Variants in TM4SF20 observed in about 807,000 individuals in gnomAD.
The protein encoded by TM4SF20 is transmembrane 4 L six family member 20, also known as transmembrane 4 L6 family member 20.
A neutral mutation model predicts 15.1 loss-of-function variants in TM4SF20; 13 were observed. The ratio of observed to expected loss-of-function variants is 0.86; its 90% CI spans 0.56 to 1.36. The LOEUF (loss-of-function observed/expected upper bound fraction) is 1.36, where lower values mean the gene tolerates loss of function less well. TM4SF20 is among the 40% of genes most tolerant of loss of function. TM4SF20 has a pLI of 0.00. For synonymous variants in TM4SF20, 92 were observed against 96.6 expected, an observed-to-expected ratio of 0.95 and a Z score of 0.28; for missense variants, 282 against 268.4, an observed-to-expected ratio of 1.05 and a Z score of -0.35.
intron 2 of TM4SF20, among the ~76,000 whole-genome samples, chr2:227,366,852 G>C (rs747974899): frequency 1.4e-5 from 2 of 148,110 alleles, no homozygotes; most frequent in Non-Finnish European, 3.0e-5. Flanking sequence ...GTTCCTCCCT[G>C]TTTTATGTAC....
At chr2:227,371,054 C>T (rs2076419343) in intron 1 of TM4SF20, 74 bp from the exon 2 acceptor site, 4 of 1,236,512 alleles carry the variant, frequency 3.2e-6, no homozygotes, top group South Asian at 2.4e-5. Flanking sequence ...TCTTCACCTT[C>T]CGTTTACCAC....
intron 1 of TM4SF20, among the ~76,000 whole-genome samples, chr2:227,376,771 C>T (rs530319869): frequency 2.0e-5 from 3 of 152,292 alleles, no homozygotes; most frequent in South Asian, 2.1e-4. Flanking sequence ...TTGAGGACTA[C>T]GGTACTAGCA....
intron 1 of TM4SF20, among the ~76,000 whole-genome samples, chr2:227,373,927 C>CAAAAAAAAAAAAAAAA (rs373068376): frequency 2.9e-5 from 3 of 103,072 alleles, no homozygotes; most frequent in Admixed American, 1.1e-4. Flanking sequence ...GACTCCGTCT[C>CAAAAAAAAAAAAAAAA]AAAAAAAAAA....
intron 1 of TM4SF20, among the ~76,000 whole-genome samples, chr2:227,377,104 A>C (rs2076454999): frequency 6.7e-6 from 1 of 148,976 alleles, no homozygotes; most frequent in Admixed American, 6.8e-5. Context: ...GCCACCTCCG[A>C]CTCCTTTAAT....
At chr2:227,366,007 C>A in intron 3 of TM4SF20, 86 bp downstream of exon 3, 1 of 1,346,966 alleles carries the variant, frequency 7.4e-7, no homozygotes, top group Admixed American at 2.6e-5. Flanking sequence ...CAAATAAAAA[C>A]ATGGCATTGT....
At chr2:227,371,098 A>G (rs2076419508) in intron 1 of TM4SF20, 118 bp from the exon 2 acceptor site, 1 of 903,124 alleles carries the variant, frequency 1.1e-6, no homozygotes, top group Admixed American at 1.8e-5. Context: ...AAGAACAAAA[A>G]GGGAATTTGG....
intron 1 of TM4SF20, among the ~76,000 whole-genome samples, chr2:227,377,702 C>T (rs1356174462): frequency 6.6e-6 from 1 of 152,102 alleles, no homozygotes; most frequent in East Asian, 1.9e-4. Context: ...AGGCCATTAT[C>T]CTTAAACTAA....
rs1406394399 is a variant in TM4SF20, at chr2:227,362,360, A to G, written c.*1364T>C. The G allele has an allele frequency of 6.6e-6, 1 of 152,226 alleles. No individual in the cohort carries two copies. The highest frequency in any genetic ancestry group is 1.5e-5 in the Non-Finnish European group (1 of 68,032). 9.4% of individuals were successfully genotyped at this position (152,226 alleles called of 1,614,324 possible). Reference sequence around the variant, plus strand: ...TGCCATGTACCTGTCACCTAAATATAACAGTAAACATCTCCCCGTTGCTTT... The same window carrying G: ...TGCCATGTACCTGTCACCTAAATATGACAGTAAACATCTCCCCGTTGCTTT... On this transcript the variant is annotated 3_prime_UTR_variant, in exon 4 of 4. Coordinates refer to ENST00000304568, the MANE Select transcript of TM4SF20 (RefSeq NM_024795.4).
At chr2:227,372,118 G>A (rs2076423704) in intron 1 of TM4SF20, among the ~76,000 whole-genome samples, 1 of 152,160 alleles carries the variant, frequency 6.6e-6, no homozygotes, top group Non-Finnish European at 1.5e-5. Flanking sequence ...AGCTGCCCTT[G>A]AGTGGTTTTT....
upstream of TM4SF20, among the ~76,000 whole-genome samples, chr2:227,381,127 A>G (rs2076477990): frequency 1.3e-5 from 2 of 152,128 alleles, no homozygotes; most frequent in Non-Finnish European, 2.9e-5. Context: ...ATACAAAAAA[A>G]TTAGCTGGGT....
chr2:227,376,888 A>G (rs1356140671), intron 1 of TM4SF20, among the ~76,000 whole-genome samples: 1 of 152,226 alleles, frequency 6.6e-6, no homozygotes, highest in Non-Finnish European at 1.5e-5. Context: ...ATAAAATTCA[A>G]GTGATAATAA....
At chr2:227,368,706 T>C (rs920367639) in intron 2 of TM4SF20, among the ~76,000 whole-genome samples, 1 of 152,284 alleles carries the variant, frequency 6.6e-6, no homozygotes, top group Non-Finnish European at 1.5e-5. Flanking sequence ...AGGCCTGGCT[T>C]TAGAAAGTGA....
chr2:227,377,318 A>G (rs924147394), intron 1 of TM4SF20, among the ~76,000 whole-genome samples: 5 of 152,230 alleles, frequency 3.3e-5, no homozygotes, highest in Admixed American at 2.6e-4. Flanking sequence ...ACTCAAGCAG[A>G]GAGAAGCCTT....
rs528941544 is a variant in TM4SF20 at position 227,368,265 on chromosome 2, C to T, written c.250-2021G>A. On this transcript the variant is annotated intron_variant, in intron 2 of 3. Coordinates refer to ENST00000304568, the MANE Select transcript of TM4SF20 (RefSeq NM_024795.4). ...GTCTCCATCTCCTGACCTTGTGATCCGCCCGCCTCAGCCTCCCAAAGTGCT... is the reference window on the plus strand; with the variant it reads ...GTCTCCATCTCCTGACCTTGTGATCTGCCCGCCTCAGCCTCCCAAAGTGCT... 9.6e-3 allele frequency among the ~76,000 whole-genome samples: 1,422 copies of T among 148,122 alleles called. 10 individuals carry two copies. The highest frequency in any genetic ancestry group is 0.016 in the Non-Finnish European group (1,050 of 66,834).
intron 2 of TM4SF20, among the ~76,000 whole-genome samples, chr2:227,368,368 T>C (rs559683349): frequency 3.2e-4 from 46 of 142,954 alleles, no homozygotes; most frequent in Admixed American, 2.9e-3. Flanking sequence ...TTTTTGTTTT[T>C]GAGACGGAGC....
intron 1 of TM4SF20, among the ~76,000 whole-genome samples, chr2:227,373,368 AC>A (rs2076430363): frequency 6.6e-6 from 1 of 152,326 alleles, no homozygotes; most frequent in South Asian, 2.1e-4. Context: ...CTGCCTAGCC[AC>A]CTTGGCGCAT....
At chr2:227,380,779 G>A (rs1275020412), upstream of TM4SF20, among the ~76,000 whole-genome samples, 2 of 152,118 alleles carry the variant, frequency 1.3e-5, no homozygotes, top group Middle Eastern at 3.2e-3. Context: ...CAGTCAGTGT[G>A]GGCCAAAAGC....
intron 1 of TM4SF20, among the ~76,000 whole-genome samples, chr2:227,376,668 A>G (rs1216023177): frequency 1.3e-5 from 2 of 152,250 alleles, no homozygotes; most frequent in Non-Finnish European, 2.9e-5. Context: ...ACGAGTTTCT[A>G]TAATCTTTCT....
At chr2:227,374,448 T>A (rs2076437373) in intron 1 of TM4SF20, among the ~76,000 whole-genome samples, 1 of 152,088 alleles carries the variant, frequency 6.6e-6, no homozygotes, top group East Asian at 1.9e-4. Flanking sequence ...TGTGTGTGTG[T>A]GTGTGTATGA....
Sources: gnomAD v4.1 joint callset for allele counts (sites outside exome capture counted in the v4.1 genomes callset) on GRCh38, gnomAD v4.1.1 for gene constraint, MANE v1.5 for transcripts, NCBI Gene and HGNC (gene_info 2026-07-23, HGNC 2026-07-21) for gene names.